Variants in FAM3D observed in about 807,000 individuals in gnomAD.
FAM3D encodes the protein FAM3 metabolism regulating signaling molecule D, also known as protein FAM3D.
Under a neutral mutation model 29.8 loss-of-function variants are expected in FAM3D, and 26 were observed. The observed-to-expected ratio is 0.87, with a 90% CI of 0.64 to 1.21. The LOEUF (loss-of-function observed/expected upper bound fraction) is 1.21. Ranked by LOEUF, FAM3D falls within the 50% of genes most tolerant of loss-of-function variation. The pLI, the probability that FAM3D is intolerant of heterozygous loss-of-function variation, is 0.00. For missense variants in FAM3D, 253 were observed against 290.9 expected, an observed-to-expected ratio of 0.87 and a Z score of 0.95; for synonymous variants, 115 against 102.3, an observed-to-expected ratio of 1.12 and a Z score of -0.75.
At position 58,647,269 on chromosome 3, in the gene FAM3D, G is replaced by C. The variant is rs892585206; in HGVS notation, c.146-1643C>G. ...CGTGAAGGGCTGTTCAGGAGAGAGT[G>C]GGTATCCAAGCCTGTGGCTTAGGGG... On this transcript the variant is annotated intron_variant, in intron 4 of 9. Coordinates refer to ENST00000358781, the MANE Select transcript of FAM3D (RefSeq NM_138805.3). Among the ~76,000 whole-genome samples, 5 of 152,370 alleles carry C rather than the reference G, an allele frequency of 3.3e-5. No homozygotes were observed. The East Asian group carries it at 9.6e-4, about 29-fold the overall frequency.
chr3:58,649,624 G>GT (rs1382636313), intron 3 of FAM3D, among the ~76,000 whole-genome samples: 1 of 151,930 alleles, frequency 6.6e-6, no homozygotes, highest in Non-Finnish European at 1.5e-5. Flanking sequence ...AGACACACAG[G>GT]TATGGTCACA....
chr3:58,663,685 C>G (rs1046332170), intron 1 of FAM3D, among the ~76,000 whole-genome samples: 65 of 152,352 alleles, frequency 4.3e-4, no homozygotes, highest in Non-Finnish European at 7.6e-4. Flanking sequence ...TCTTCAGCAA[C>G]AGCCTCCTTC....
chr3:58,659,922 G>A (rs2066899994), intron 1 of FAM3D, among the ~76,000 whole-genome samples: 1 of 152,158 alleles, frequency 6.6e-6, no homozygotes, highest in Non-Finnish European at 1.5e-5. Flanking sequence ...CATTATCCCG[G>A]GAAATTCTGC....
Position 58,643,650 on chromosome 3 carries a change from T to A in FAM3D, c.322+12A>T. ...TGGGTGGGAACTGTCTGGGGATGGA[T>A]ATGCAACTCACCATTCACCAGGGCG... On this transcript the variant is annotated intron_variant, in intron 6 of 9. Coordinates refer to ENST00000358781, the MANE Select transcript of FAM3D (RefSeq NM_138805.3). 3.1e-6 allele frequency: 5 copies of A among 1,613,234 alleles called. No homozygotes were observed. The highest frequency in any genetic ancestry group is 4.2e-6 in the Non-Finnish European group (5 of 1,179,920).
At chr3:58,657,366 G>A (rs1053074692) in intron 1 of FAM3D, among the ~76,000 whole-genome samples, 11 of 150,362 alleles carry the variant, frequency 7.3e-5, no homozygotes, top group Non-Finnish European at 1.5e-5. Context: ...ACGGAGAGAA[G>A]GGGCGGGGTG....
At chr3:58,658,182 C>A (rs1032789120) in intron 1 of FAM3D, among the ~76,000 whole-genome samples, 3 of 152,146 alleles carry the variant, frequency 2.0e-5, no homozygotes, top group African/African-American at 7.2e-5. Flanking sequence ...GCAGGTCAGC[C>A]GTGTGTGTAA....
At chr3:58,638,187 C>T (rs1467575548) in intron 7 of FAM3D, among the ~76,000 whole-genome samples, 1 of 152,154 alleles carries the variant, frequency 6.6e-6, no homozygotes, top group Non-Finnish European at 1.5e-5. Flanking sequence ...CCAGGGCCCT[C>T]CATTGTGATT....
chr3:58,658,915 C>A (rs2066878340), intron 1 of FAM3D, among the ~76,000 whole-genome samples: 1 of 152,150 alleles, frequency 6.6e-6, no homozygotes, highest in Non-Finnish European at 1.5e-5. Context: ...CCAGCAGATG[C>A]AAATACAGGG....
At chr3:58,662,844 G>A (rs2066958018) in intron 1 of FAM3D, among the ~76,000 whole-genome samples, 1 of 152,256 alleles carries the variant, frequency 6.6e-6, no homozygotes, top group African/African-American at 2.4e-5. Flanking sequence ...CTGGGTTGCA[G>A]AGATGGGGTC....
chr3:58,658,824 G>A (rs1242220288), intron 1 of FAM3D, among the ~76,000 whole-genome samples: 1 of 152,184 alleles, frequency 6.6e-6, no homozygotes, highest in Non-Finnish European at 1.5e-5. Context: ...GAGATGCTAA[G>A]CTAGATGTGA....
At chr3:58,646,305 G>A (rs1197792327) in intron 4 of FAM3D, among the ~76,000 whole-genome samples, 5 of 152,230 alleles carry the variant, frequency 3.3e-5, no homozygotes, top group East Asian at 1.9e-4. Context: ...AGCTCAGCAC[G>A]GTGTTGGGAG....
chr3:58,649,806 T>C (rs1030636270), intron 3 of FAM3D, among the ~76,000 whole-genome samples: 1 of 152,198 alleles, frequency 6.6e-6, no homozygotes. Flanking sequence ...TCCTAGTATA[T>C]GACTGCATGA....
intron 9 of FAM3D, 125 bp downstream of exon 9, chr3:58,636,168 AG>A: frequency 7.0e-7 from 1 of 1,430,234 alleles, no homozygotes; most frequent in Non-Finnish European, 9.4e-7. Context: ...AATGACAGCC[AG>A]GGGCCTCTCC....
chr3:58,645,495 T>A lies in FAM3D; in HGVS notation c.263+14A>T. On this transcript the variant is annotated intron_variant, in intron 5 of 9. Transcript: ENST00000358781. ...ATAAAATAAAATAAACATAGTTGTG[T>A]CTTAGGTACTTACATGCGGTCTTCA... 3.2e-6 allele frequency: 5 copies of A among 1,553,220 alleles called. No individual in the cohort carries two copies. The highest frequency in any genetic ancestry group is 4.4e-6 in the Non-Finnish European group (5 of 1,133,708).
At chr3:58,658,731 A>C (rs1284780189) in intron 1 of FAM3D, among the ~76,000 whole-genome samples, 1 of 152,180 alleles carries the variant, frequency 6.6e-6, no homozygotes, top group Non-Finnish European at 1.5e-5. Flanking sequence ...AGGAGTGAGC[A>C]TGTGACCCAA....
At chr3:58,650,846 T>TA (rs2066616326) in intron 3 of FAM3D, among the ~76,000 whole-genome samples, 1 of 152,188 alleles carries the variant, frequency 6.6e-6, no homozygotes, top group South Asian at 2.1e-4. Flanking sequence ...ACCTCCCAAG[T>TA]AGCTGGGACT....
At chr3:58,657,848 C>G (rs562612637) in intron 1 of FAM3D, 1 of 152,380 alleles carries the variant, frequency 6.6e-6, no homozygotes, top group Non-Finnish European at 1.5e-5. Context: ...CCACCCAAAC[C>G]CAAAAGAGTG....
At chr3:58,658,478 C>T (rs749355206) in intron 1 of FAM3D, among the ~76,000 whole-genome samples, 40 of 152,110 alleles carry the variant, frequency 2.6e-4, no homozygotes, top group Non-Finnish European at 4.4e-4. Flanking sequence ...CAGCCCCGGG[C>T]CTTTGCACTT....
chr3:58,654,884 C>A (rs1575489077), intron 2 of FAM3D, among the ~76,000 whole-genome samples: 1 of 152,212 alleles, frequency 6.6e-6, no homozygotes, highest in South Asian at 2.1e-4. Context: ...TCACCCAGCA[C>A]TCAATTTTGT....
Sources: gnomAD v4.1 joint callset for allele counts (sites outside exome capture counted in the v4.1 genomes callset) on GRCh38, gnomAD v4.1.1 for gene constraint, MANE v1.5 for transcripts, NCBI Gene and HGNC (gene_info 2026-07-23, HGNC 2026-07-21) for gene names.